CNTNAP2: variants seen among roughly 807,000 people sequenced by gnomAD.
CNTNAP2 encodes contactin associated protein 2, also known as contactin-associated protein-like 2.
A neutral mutation model predicts 155.2 loss-of-function variants in CNTNAP2; 98 were observed. The observed-to-expected ratio is 0.63, with a 90% CI of 0.54 to 0.75. The LOEUF is 0.75. Ranked by LOEUF, CNTNAP2 falls within the 30% of genes least tolerant of loss-of-function variation. CNTNAP2 has a pLI of 0.00. For synonymous variants in CNTNAP2, 651 were observed against 631.2 expected (o/e 1.03, Z -0.47); for missense variants, 1,727 against 1,688.1 (o/e 1.02, Z -0.40).
chr7:146,370,149 G>T (rs944173045), intron 1 of CNTNAP2, among the ~76,000 whole-genome samples: 8 of 151,090 alleles, frequency 5.3e-5, no homozygotes, highest in Non-Finnish European at 1.0e-4. Flanking sequence ...GCTGGGCAAG[G>T]TGGCTTACGA....
chr7:147,974,019 T>G (rs12535494), intron 14 of CNTNAP2, among the ~76,000 whole-genome samples: 15,504 of 152,228 alleles, frequency 0.1, 1,027 homozygotes, highest in African/African-American at 0.19. Context: ...ATCCCTGATG[T>G]TAATCAGTTT....
intron 4 of CNTNAP2, among the ~76,000 whole-genome samples, chr7:147,061,904 G>A (rs904575828): frequency 5.3e-5 from 8 of 151,798 alleles, no homozygotes; most frequent in African/African-American, 9.7e-5. Context: ...GGAGGTGGGC[G>A]GATCACGAGG....
intron 13 of CNTNAP2, among the ~76,000 whole-genome samples, chr7:147,714,658 T>A (rs1014710197): frequency 3.3e-5 from 5 of 152,124 alleles, no homozygotes; most frequent in African/African-American, 1.2e-4. Flanking sequence ...ATAGAGCTTA[T>A]TAATATTTCA....
At chr7:147,212,822 T>G (rs988838381) in intron 8 of CNTNAP2, among the ~76,000 whole-genome samples, 1 of 152,200 alleles carries the variant, frequency 6.6e-6, no homozygotes, top group African/African-American at 2.4e-5. Flanking sequence ...GTAGTTTAAA[T>G]ATTAACAGTT....
chr7:146,163,563 CTATCTA>C (rs1798264108), intron 1 of CNTNAP2, among the ~76,000 whole-genome samples: 4 of 127,574 alleles, frequency 3.1e-5, no homozygotes, highest in African/African-American at 1.0e-4. Flanking sequence ...ATATCTATAT[CTATCTA>C]TATCTATCTA....
At position 146,305,125 on chromosome 7, in the gene CNTNAP2, T is replaced by C. The variant is rs531161117; in HGVS notation, c.97+188152T>C. 1.0e-3 allele frequency among the ~76,000 whole-genome samples: 157 copies of C among 152,230 alleles called. 1 individual carries two copies. Among genetic ancestry groups the C allele is most frequent in the Admixed American group, 2.4e-3 (36 of 15,280 alleles). On this transcript the variant is annotated intron_variant, in intron 1 of 23. Transcript: ENST00000361727. Reference sequence around the variant, plus strand: ...TGCCATGGTTTTTAGCTCCATCAGGTCATTTAAGGACTTCTCTACACTGTT... The same window carrying C: ...TGCCATGGTTTTTAGCTCCATCAGGCCATTTAAGGACTTCTCTACACTGTT...
chr7:146,572,342 TG>T (rs1474460424), intron 1 of CNTNAP2, among the ~76,000 whole-genome samples: 2 of 147,538 alleles, frequency 1.4e-5, no homozygotes, highest in African/African-American at 5.0e-5. Flanking sequence ...AAGAAAGCAA[TG>T]CCTCCTGAGT....
chr7:147,964,038 G>A (rs766528356), intron 14 of CNTNAP2, among the ~76,000 whole-genome samples: 2 of 152,170 alleles, frequency 1.3e-5, no homozygotes, highest in South Asian at 4.1e-4. Context: ...GGGTCATTAA[G>A]GAAATTATTT....
chr7:146,709,845 G>T (rs1801033013), intron 1 of CNTNAP2, among the ~76,000 whole-genome samples: 1 of 152,174 alleles, frequency 6.6e-6, no homozygotes, highest in Non-Finnish European at 1.5e-5. Context: ...AACAAGTTTT[G>T]CATGCCCATG....
intron 10 of CNTNAP2, among the ~76,000 whole-genome samples, chr7:147,467,458 C>T (rs898122651): frequency 6.6e-6 from 1 of 152,116 alleles, no homozygotes; most frequent in Non-Finnish European, 1.5e-5. Context: ...ACCACATGAA[C>T]TCACTTATAA....
chr7:148,052,186 A>G (rs890930796), intron 15 of CNTNAP2, among the ~76,000 whole-genome samples: 2 of 151,978 alleles, frequency 1.3e-5, no homozygotes, highest in African/African-American at 4.8e-5. Flanking sequence ...ATACAAAGGA[A>G]ACTTGGTAGA....
intron 1 of CNTNAP2, among the ~76,000 whole-genome samples, chr7:146,324,568 A>G (rs1444624296): frequency 6.6e-6 from 1 of 152,292 alleles, no homozygotes; most frequent in Admixed American, 6.5e-5. Context: ...TCAGTATTAC[A>G]TTGATTCCTG....
In CNTNAP2 at chr7:146,721,584, CTA is replaced by C. The variant is rs1346074664; in HGVS notation, c.98-52677_98-52676del. Among the ~76,000 whole-genome samples the C allele has an allele frequency of 3.9e-3, 304 of 78,134 alleles. 2 individuals are homozygous for C. Among genetic ancestry groups the C allele is most frequent in the African/African-American group, 0.025 (170 of 6,806 alleles). The allele number at this position is 78,134 out of a possible 152,430, so 51.3% of individuals were successfully genotyped here. On this transcript the variant is annotated intron_variant, in intron 1 of 23. Coordinates refer to ENST00000361727, the MANE Select transcript of CNTNAP2 (RefSeq NM_014141.6). ...ATTCTATATATATTCTATATACATT[CTA>C]TATATATATTCTATATACATTCTAT...
At chr7:146,730,708 A>G (rs1801510648) in intron 1 of CNTNAP2, among the ~76,000 whole-genome samples, 1 of 152,150 alleles carries the variant, frequency 6.6e-6, no homozygotes, top group Admixed American at 6.6e-5. Context: ...TGGCTAAATA[A>G]TTCAGTGAAT....
chr7:147,695,582 G>A (rs1343502796), intron 13 of CNTNAP2, among the ~76,000 whole-genome samples: 2 of 152,194 alleles, frequency 1.3e-5, no homozygotes, highest in African/African-American at 2.4e-5. Flanking sequence ...GGTGGATCAC[G>A]AGGTCAGGAG....
chr7:147,651,751 T>C (rs1795453978), intron 13 of CNTNAP2, among the ~76,000 whole-genome samples: 1 of 152,236 alleles, frequency 6.6e-6, no homozygotes, highest in Non-Finnish European at 1.5e-5. Flanking sequence ...AGACTCCTTT[T>C]CTCTGTGTTG....
chr7:147,786,263 A>G lies in CNTNAP2; in HGVS notation c.2099-117302A>G, dbSNP rs1797737951. On this transcript the variant is annotated intron_variant, in intron 13 of 23. Transcript: ENST00000361727. ...CTCCAGCCTGGGCGACACAGTGAGA[A>G]AATGCAATGAGATACAAAATTAGAA... Among the ~76,000 whole-genome samples, 3 of 152,274 alleles carry G rather than the reference A, an allele frequency of 2.0e-5. No individual in the cohort carries two copies. The South Asian group carries it at 6.2e-4, about 32-fold the overall frequency.
chr7:146,379,806 G>A (rs979502365), intron 1 of CNTNAP2, among the ~76,000 whole-genome samples: 1 of 152,032 alleles, frequency 6.6e-6, no homozygotes, highest in Non-Finnish European at 1.5e-5. Flanking sequence ...GTCACGTCCT[G>A]AGATTTTAAA....
intron 9 of CNTNAP2, among the ~76,000 whole-genome samples, chr7:147,328,091 G>A (rs1795493874): frequency 6.6e-6 from 1 of 152,112 alleles, no homozygotes; most frequent in Non-Finnish European, 1.5e-5. Context: ...AAAATAACGA[G>A]CAAGTGTCAG....
Sources: allele counts gnomAD v4.1 joint callset (sites outside exome capture counted in the v4.1 genomes callset), GRCh38; gene constraint gnomAD v4.1.1; transcripts MANE v1.5; gene names NCBI Gene and HGNC (gene_info 2026-07-23, HGNC 2026-07-21).